LSM3: variants seen among roughly 807,000 people sequenced by gnomAD.
The protein encoded by LSM3 is LSM3 homolog, U6 small nuclear RNA and mRNA degradation associated.
A neutral mutation model predicts 15.4 loss-of-function variants in LSM3; 14 were observed. The ratio of observed to expected loss-of-function variants is 0.91; its 90% confidence interval spans 0.60 to 1.42. LSM3 has a LOEUF of 1.42. Among genes scored for constraint, LSM3 ranks in the 40% most tolerant of loss-of-function variants. The probability of loss-of-function intolerance (pLI) is 0.00; values close to 1 mark genes in which losing one functional copy is unlikely to be tolerated. For missense variants in LSM3, 88 were observed against 127.9 expected (o/e 0.69, Z 1.50); for synonymous variants, 46 against 45.1 (o/e 1.02, Z -0.08).
intron 2 of LSM3, among the ~76,000 whole-genome samples, chr3:14,182,618 AGT>A (rs1697050563): frequency 1.3e-5 from 2 of 152,188 alleles, no homozygotes; most frequent in South Asian, 4.1e-4. Context: ...TACTTTCCTA[AGT>A]GTGTTGTTTT....
intron 3 of LSM3, among the ~76,000 whole-genome samples, chr3:14,185,783 T>C (rs748651182): frequency 6.6e-6 from 1 of 152,254 alleles, no homozygotes; most frequent in Non-Finnish European, 1.5e-5. Context: ...CTCTTACTCA[T>C]GCATGATTTG....
At chr3:14,179,893 A>G (rs1697003296) in intron 1 of LSM3, among the ~76,000 whole-genome samples, 2 of 152,236 alleles carry the variant, frequency 1.3e-5, no homozygotes, top group Admixed American at 6.5e-5. Flanking sequence ...CAGTATTATA[A>G]TTATTTGTAT....
intron 1 of LSM3, 115 bp downstream of exon 1, chr3:14,178,996 C>G (rs978629031): frequency 8.7e-6 from 10 of 1,148,388 alleles, no homozygotes; most frequent in Non-Finnish European, 1.3e-5. Flanking sequence ...ATGGCCTAAT[C>G]CACCCTGTCC....
chr3:14,197,324 G>A (rs190238055), intron 3 of LSM3, among the ~76,000 whole-genome samples: 102 of 152,342 alleles, frequency 6.7e-4, no homozygotes, highest in African/African-American at 2.3e-3. Flanking sequence ...CCCAGAGCTC[G>A]TGAGTTTAGG....
intron 1 of LSM3, 25 bp downstream of exon 1, chr3:14,178,906 T>C (rs1320574902): frequency 6.2e-7 from 1 of 1,613,914 alleles, no homozygotes; most frequent in Non-Finnish European, 8.5e-7. Flanking sequence ...AGGAGGTCGC[T>C]CGAAGGAGCT....
rs1036688742 is a variant in LSM3, at chr3:14,200,323, C to G, written c.*2207C>G. ...AGTCCTTTTGGAGCTGGGACTCAAT[C>G]CACAACAGAGACAGCTCAAGCAGGG... On this transcript the variant is annotated 3_prime_UTR_variant, in exon 4 of 4. Coordinates refer to ENST00000306024, the MANE Select transcript of LSM3 (RefSeq NM_014463.3). 6.6e-6 allele frequency: 1 copy of G among 152,046 alleles called. No individual in the cohort carries two copies. Among genetic ancestry groups the G allele is most frequent in the Non-Finnish European group, 1.5e-5 (1 of 68,058 alleles). 9.4% of individuals were successfully genotyped at this position (152,046 alleles called of 1,614,324 possible). A position where few individuals can be genotyped will look rare whatever the true frequency, so the allele number is the denominator to read the frequency against.
At position 14,184,154 on chromosome 3, in the gene LSM3, T is replaced by C. The variant is rs1456191666; in HGVS notation, c.228+122T>C. 11 of 1,248,580 alleles carry C rather than the reference T, an allele frequency of 8.8e-6. No individual in the cohort carries two copies. The East Asian group carries it at 1.2e-4, about 14-fold the overall frequency. 77.3% of individuals were successfully genotyped at this position (1,248,580 alleles called of 1,614,324 possible). On this transcript the variant is annotated intron_variant, in intron 3 of 3. Coordinates refer to ENST00000306024, the MANE Select transcript of LSM3 (RefSeq NM_014463.3). ...ACCTACTTATGGACTCAGTAGAGCA[T>C]AGCAATTAAAAGCAAGGGTTCTGGC...
chr3:14,188,334 C>CTG (rs1391373375), intron 3 of LSM3, among the ~76,000 whole-genome samples: 1 of 152,194 alleles, frequency 6.6e-6, no homozygotes, highest in Non-Finnish European at 1.5e-5. Context: ...ATGGTCCATG[C>CTG]TGAGACCATA....
rs1009309906 is a variant in LSM3 at position 14,199,077 on chromosome 3, T to C, written c.*961T>C. 3 of 152,132 alleles carry C rather than the reference T, an allele frequency of 2.0e-5. No individual in the cohort carries two copies. Among genetic ancestry groups the C allele is most frequent in the African/African-American group, 7.2e-5 (3 of 41,418 alleles). The allele number at this position is 152,132 out of a possible 1,614,324, so 9.4% of individuals were successfully genotyped here. ...ACAGAGCAAAGCATGATTTCTCTTT[T>C]CTCTGGCCTGATTTAATTCTAAGGT... On this transcript the variant is annotated 3_prime_UTR_variant, in exon 4 of 4. Coordinates refer to ENST00000306024, the MANE Select transcript of LSM3 (RefSeq NM_014463.3).
In LSM3 at chr3:14,198,144, C is replaced by T. The variant is rs751789787; in HGVS notation, c.*28C>T. On this transcript the variant is annotated 3_prime_UTR_variant, in exon 4 of 4. Coordinates refer to ENST00000306024, the MANE Select transcript of LSM3 (RefSeq NM_014463.3). ...CAAAGAATTTGTCCTGTATGGAAAA[C>T]GGGAGACTTTGTACAGTGGCCTCTC... is the stretch of plus-strand genomic sequence containing the variant. 6.6e-5 allele frequency: 104 copies of T among 1,567,284 alleles called. No individual in the cohort carries two copies. The Middle Eastern group carries it at 3.5e-3, about 53-fold the overall frequency.
chr3:14,186,430 T>A (rs1697090160), intron 3 of LSM3, among the ~76,000 whole-genome samples: 1 of 152,248 alleles, frequency 6.6e-6, no homozygotes, highest in African/African-American at 2.4e-5. Context: ...GAGGGCTACA[T>A]GAAAAGCCTT....
rs1697216067 is a variant in LSM3, at chr3:14,199,504, A to T, written c.*1388A>T. ...GTACTTTAAGCCTTGTGCAAGAAAG[A>T]TGCTTTCAGTAAACATATTTAAAAG... On this transcript the variant is annotated 3_prime_UTR_variant, in exon 4 of 4. Coordinates refer to ENST00000306024, the MANE Select transcript of LSM3 (RefSeq NM_014463.3). 1 of 152,236 alleles carries T rather than the reference A, an allele frequency of 6.6e-6. No homozygotes were observed. The highest frequency in any genetic ancestry group is 2.4e-5 in the African/African-American group (1 of 41,466). 9.4% of individuals were successfully genotyped at this position (152,236 alleles called of 1,614,324 possible). A position where few individuals can be genotyped will look rare whatever the true frequency, so the allele number is the denominator to read the frequency against.
At chr3:14,190,702 G>A (rs1697131395) in intron 3 of LSM3, among the ~76,000 whole-genome samples, 1 of 152,122 alleles carries the variant, frequency 6.6e-6, no homozygotes, top group Non-Finnish European at 1.5e-5. Context: ...TGAGACGATG[G>A]GGTTTTCTAA....
chr3:14,188,461 C>A (rs1030216711), intron 3 of LSM3, among the ~76,000 whole-genome samples: 4 of 152,172 alleles, frequency 2.6e-5, no homozygotes, highest in African/African-American at 9.7e-5. Flanking sequence ...CTTAAAATTA[C>A]AAAATGCAGA....
Position 14,198,830 on chromosome 3 carries a change from C to T in LSM3, c.*714C>T, listed in dbSNP as rs888041154. ...CAAGATCACACCATTGCACTTCAAC[C>T]TGGTCAACAGAGCGAGACTCCGTGT... is the stretch of plus-strand genomic sequence containing the variant. On this transcript the variant is annotated 3_prime_UTR_variant, in exon 4 of 4. Coordinates refer to ENST00000306024, the MANE Select transcript of LSM3 (RefSeq NM_014463.3). 3.3e-5 allele frequency: 5 copies of T among 150,038 alleles called. No individual in the cohort carries two copies. The highest frequency in any genetic ancestry group is 1.2e-4 in the African/African-American group (5 of 40,480). 9.3% of individuals were successfully genotyped at this position (150,038 alleles called of 1,614,324 possible).
In LSM3 at chr3:14,181,138, A is replaced by G. The variant is rs190245312; in HGVS notation, c.22-422A>G. Among the ~76,000 whole-genome samples, 4 of 152,132 alleles carry G rather than the reference A, an allele frequency of 2.6e-5. No individual in the cohort carries two copies. In the East Asian group the frequency reaches 5.8e-4, roughly 22 times the overall value. On this transcript the variant is annotated intron_variant, in intron 1 of 3. Coordinates refer to ENST00000306024, the MANE Select transcript of LSM3 (RefSeq NM_014463.3). ...AATCTTCCCATAAACCTACACCTCT[A>G]TTTGGCATTCTGACTAGTGTATGGT...
intron 1 of LSM3, among the ~76,000 whole-genome samples, chr3:14,180,299 C>CT (rs111830905): frequency 1.1e-4 from 17 of 150,366 alleles, no homozygotes; most frequent in South Asian, 8.4e-4. Flanking sequence ...CTATTCTTTT[C>CT]TTTTTTTTGG....
intron 1 of LSM3, among the ~76,000 whole-genome samples, chr3:14,180,843 TTTTTTTTTTTTTTTA>T (rs1459543019): frequency 8.2e-5 from 10 of 121,424 alleles, no homozygotes; most frequent in Non-Finnish European, 1.3e-4. Flanking sequence ...TTTTTTTTTT[TTTTTTTTTTTTTTTA>T]AAAAAAAAAA....
At chr3:14,193,969 A>C (rs1289729342) in intron 3 of LSM3, among the ~76,000 whole-genome samples, 1 of 152,156 alleles carries the variant, frequency 6.6e-6, no homozygotes, top group East Asian at 1.9e-4. Context: ...GTCTTTGAGT[A>C]GATGTGCTAA....
Sources: allele counts gnomAD v4.1 joint callset (sites outside exome capture counted in the v4.1 genomes callset), GRCh38; gene constraint gnomAD v4.1.1; transcripts MANE v1.5; gene names NCBI Gene and HGNC (gene_info 2026-07-23, HGNC 2026-07-21).